RANBP3L: variants seen among roughly 807,000 people sequenced by gnomAD.
RANBP3L encodes the protein RAN binding protein 3 like, also known as ran-binding protein 3-like.
A neutral mutation model predicts 67.2 loss-of-function variants in RANBP3L; 56 were observed. That is an observed-to-expected ratio of 0.83 (90% CI 0.67 to 1.04). RANBP3L has a LOEUF of 1.04. RANBP3L is among the 50% of genes least tolerant of loss of function. RANBP3L has a pLI of 0.00. For synonymous variants in RANBP3L, 164 were observed against 181.4 expected, an observed-to-expected ratio of 0.90 and a Z score of 0.77; for missense variants, 496 against 535.5, an observed-to-expected ratio of 0.93 and a Z score of 0.73.
intron 10 of RANBP3L, among the ~76,000 whole-genome samples, chr5:36,255,810 G>C (rs1437765024): frequency 6.6e-6 from 1 of 151,922 alleles, no homozygotes; most frequent in African/African-American, 2.4e-5. Context: ...AGTGAAAAGG[G>C]CCCCCAGCTT....
chr5:36,292,839 C>A (rs1388652793), intron 1 of RANBP3L, among the ~76,000 whole-genome samples: 1 of 152,182 alleles, frequency 6.6e-6, no homozygotes, highest in Non-Finnish European at 1.5e-5. Flanking sequence ...TAGCGTGATG[C>A]CTGCAGCTTC....
In RANBP3L at chr5:36,301,494, C is replaced by T; in HGVS notation, c.-78G>A. On this transcript the variant is annotated 5_prime_UTR_variant, in exon 1 of 14. In the 5' UTR this introduces an upstream ATG that the reference lacks. Transcript: ENST00000296604. ...GGCCAGTCACCTAAAGTGGCCTTCA[C>T]CAGACACCCAGAAATACATAGATTC... 1.0e-6 allele frequency: 1 copy of T among 957,500 alleles called. No individual in the cohort carries two copies. The highest frequency in any genetic ancestry group is 1.7e-6 in the Non-Finnish European group (1 of 594,192). 59.3% of individuals were successfully genotyped at this position (957,500 alleles called of 1,614,324 possible).
chr5:36,276,134 AT>A (rs1486727742), intron 1 of RANBP3L, among the ~76,000 whole-genome samples: 1 of 152,206 alleles, frequency 6.6e-6, no homozygotes, highest in Non-Finnish European at 1.5e-5. Flanking sequence ...AAATAAAGGT[AT>A]AAGTAAGATG....
chr5:36,295,372 G>C (rs1752132740), intron 1 of RANBP3L, among the ~76,000 whole-genome samples: 1 of 151,954 alleles, frequency 6.6e-6, no homozygotes, highest in South Asian at 2.1e-4. Context: ...TTTATAAGGG[G>C]CTTTTCCGTC....
rs185243465 is a variant in RANBP3L at position 36,268,513 on chromosome 5, G to A, written c.268+877C>T. On this transcript the variant is annotated intron_variant, in intron 4 of 13. Transcript: ENST00000296604. ...CACTATCAACCATGAAGATGACCTC[G>A]AGGAACTCACAGTGGAGGAAAAATA... 2.0e-5 allele frequency among the ~76,000 whole-genome samples: 3 copies of A among 152,174 alleles called. No homozygotes were observed. In the East Asian group the frequency reaches 5.8e-4, roughly 29 times the overall value.
intron 1 of RANBP3L, among the ~76,000 whole-genome samples, chr5:36,293,612 G>GC (rs1432276686): frequency 0.014 from 44 of 3,062 alleles, 1 homozygote; most frequent in African/African-American, 0.081. Flanking sequence ...TTAGCATGAA[G>GC]GTTGTTGAAT....
chr5:36,251,232 A>T, intron 13 of RANBP3L, 81 bp downstream of exon 13: 1 of 1,209,980 alleles, frequency 8.3e-7, no homozygotes, highest in Non-Finnish European at 1.1e-6. Flanking sequence ...TCCACTTGTT[A>T]AAAAATCTAC....
chr5:36,300,433 T>C lies in RANBP3L; in HGVS notation c.91+893A>G, dbSNP rs758993482. ...TAGCACACAGATTCCATCTTGGAAATGGGAGGTTTTGGCCCTTTAGCCAAC... is the reference window on the plus strand; with the variant it reads ...TAGCACACAGATTCCATCTTGGAAACGGGAGGTTTTGGCCCTTTAGCCAAC... On this transcript the variant is annotated intron_variant, in intron 1 of 13. Transcript: ENST00000296604. Among the ~76,000 whole-genome samples, 30 of 152,156 alleles carry C rather than the reference T, an allele frequency of 2.0e-4. 1 individual carries two copies. Among genetic ancestry groups the C allele is most frequent in the Non-Finnish European group, 2.9e-5 (2 of 68,006 alleles).
intron 1 of RANBP3L, among the ~76,000 whole-genome samples, chr5:36,279,738 A>G (rs1386806108): frequency 6.6e-6 from 1 of 152,194 alleles, no homozygotes; most frequent in African/African-American, 2.4e-5. Context: ...TGCAGTTTTA[A>G]CTATACTTGT....
At chr5:36,257,176 A>C (rs1473167439) in intron 9 of RANBP3L, 105 bp from the exon 10 acceptor site, 15 of 938,956 alleles carry the variant, frequency 1.6e-5, no homozygotes, top group Non-Finnish European at 2.0e-5. Flanking sequence ...TTCTTCTAGT[A>C]GTAAGTGATT....
At chr5:36,283,970 G>T (rs1751157199) in intron 1 of RANBP3L, among the ~76,000 whole-genome samples, 2 of 151,440 alleles carry the variant, frequency 1.3e-5, no homozygotes, top group Admixed American at 1.3e-4. Context: ...TATAGGTTGG[G>T]TTCCCTCTCC....
intron 4 of RANBP3L, chr5:36,268,410 C>A: frequency 1.9e-6 from 1 of 533,392 alleles, no homozygotes; most frequent in Non-Finnish European, 3.3e-6. Flanking sequence ...ATGAGTACAT[C>A]TGATGAAGAT....
intron 1 of RANBP3L, among the ~76,000 whole-genome samples, chr5:36,292,577 A>T (rs534531578): frequency 1.3e-5 from 2 of 152,076 alleles, no homozygotes; most frequent in Non-Finnish European, 2.9e-5. Flanking sequence ...TGATTTTTGT[A>T]TAAGGTGTAA....
intron 1 of RANBP3L, among the ~76,000 whole-genome samples, chr5:36,296,441 C>T (rs1314742487): frequency 6.6e-6 from 1 of 151,976 alleles, no homozygotes; most frequent in Non-Finnish European, 1.5e-5. Context: ...TGAGGAATTC[C>T]AACATGTCTT....
rs1211111194 is a variant in RANBP3L, at chr5:36,247,554, C to G, written c.*2100G>C. The stretch of plus-strand genomic sequence containing the variant: ...CATTGAGAAGATAATTGCTTTATCT[C>G]TACCTTAGTGTGGGGACGAGGATGA... On this transcript the variant is annotated 3_prime_UTR_variant, in exon 14 of 14. Coordinates refer to ENST00000296604, the MANE Select transcript of RANBP3L (RefSeq NM_145000.5). 6.6e-6 allele frequency among the ~76,000 whole-genome samples: 1 copy of G among 152,194 alleles called. No homozygotes were observed. Among genetic ancestry groups the G allele is most frequent in the Non-Finnish European group, 1.5e-5 (1 of 68,038 alleles).
intron 8 of RANBP3L, among the ~76,000 whole-genome samples, chr5:36,258,837 G>A (rs1019492920): frequency 1.3e-5 from 2 of 152,204 alleles, no homozygotes; most frequent in African/African-American, 4.8e-5. Flanking sequence ...AAACCTGCCT[G>A]TACATTGGAA....
chr5:36,276,318 AC>A (rs912543452), intron 1 of RANBP3L, among the ~76,000 whole-genome samples: 1 of 152,234 alleles, frequency 6.6e-6, no homozygotes, highest in Non-Finnish European at 1.5e-5. Context: ...AAAACCCAGT[AC>A]AGTGGTCCCT....
rs1561088456 is a variant in RANBP3L, at chr5:36,249,442, C to T, written c.*212G>A. On this transcript the variant is annotated 3_prime_UTR_variant, in exon 14 of 14. Coordinates refer to ENST00000296604, the MANE Select transcript of RANBP3L (RefSeq NM_145000.5). ...ATGATAAATTTTGAACTTCTGAAGT[C>T]CATTTTTTTAAATTCTGTCAGTTTC... The T allele has an allele frequency of 3.0e-6, 1 of 330,614 alleles. No individual in the cohort carries two copies. Among genetic ancestry groups the T allele is most frequent in the Non-Finnish European group, 5.5e-6 (1 of 181,598 alleles). 20.5% of individuals were successfully genotyped at this position (330,614 alleles called of 1,614,324 possible). A position where few individuals can be genotyped will look rare whatever the true frequency, so the allele number is the denominator to read the frequency against.
intron 1 of RANBP3L, among the ~76,000 whole-genome samples, chr5:36,271,791 C>T (rs143037924): frequency 4.6e-4 from 70 of 152,270 alleles, no homozygotes; most frequent in African/African-American, 1.6e-3. Flanking sequence ...ACTAGTCATA[C>T]ACCACACTTT....
Sources: gnomAD v4.1 joint callset for allele counts (sites outside exome capture counted in the v4.1 genomes callset) on GRCh38, gnomAD v4.1.1 for gene constraint, MANE v1.5 for transcripts, NCBI Gene and HGNC (gene_info 2026-07-23, HGNC 2026-07-21) for gene names.